SNX29: variants seen among roughly 807,000 people sequenced by gnomAD.
SNX29 encodes the protein sorting nexin 29.
SNX29 carries 78 observed loss-of-function variants against 102.1 expected under a neutral mutation model. The observed-to-expected ratio is 0.76, with a 90% CI of 0.64 to 0.92. The LOEUF (loss-of-function observed/expected upper bound fraction) is 0.92. Ranked by LOEUF, SNX29 falls within the 40% of genes least tolerant of loss-of-function variation. The pLI, the probability that SNX29 is intolerant of heterozygous loss-of-function variation, is 0.00. For synonymous variants in SNX29, 580 were observed against 414.5 expected (o/e 1.40, Z -4.85); for missense variants, 1,280 against 1,061.7 (o/e 1.21, Z -2.86).
At chr16:12,233,012 C>G in intron 14 of SNX29, among the ~76,000 whole-genome samples, 1 of 152,200 alleles carries the variant, frequency 6.6e-6, no homozygotes, top group South Asian at 2.1e-4. Flanking sequence ...CCCTCACATG[C>G]AAGTCACCAC....
At chr16:12,068,701 C>T (rs1010606715) in intron 9 of SNX29, among the ~76,000 whole-genome samples, 1 of 152,100 alleles carries the variant, frequency 6.6e-6, no homozygotes, top group Non-Finnish European at 1.5e-5. Context: ...TGCACCAACA[C>T]GCCCAGCTAA....
chr16:12,062,878 T>C (rs9806842), intron 9 of SNX29, among the ~76,000 whole-genome samples: 51,628 of 152,056 alleles, frequency 0.34, 8,813 homozygotes, highest in African/African-American at 0.39. Context: ...GCCAGTCAGA[T>C]GCAGTACTAG....
intron 18 of SNX29, among the ~76,000 whole-genome samples, chr16:12,461,392 G>T (rs2151753305): frequency 6.6e-6 from 1 of 152,300 alleles, no homozygotes; most frequent in East Asian, 1.9e-4. Flanking sequence ...AGGGGTAGAG[G>T]CACGTTTGGC....
rs78755553 is a variant in SNX29, at chr16:12,507,720, C to A, written c.2179-16982C>A. ...TCCTTCTTATGAGAAAACTCCAGAA[C>A]CTTTGTCTAGAGTATATAGTGCTCT... On this transcript the variant is annotated intron_variant, in intron 19 of 20. Coordinates refer to ENST00000566228, the MANE Select transcript of SNX29 (RefSeq NM_032167.5). Among the ~76,000 whole-genome samples the A allele has an allele frequency of 8.7e-4, 132 of 152,254 alleles. 1 individual carries two copies. The highest frequency in any genetic ancestry group is 3.0e-3 in the African/African-American group (126 of 41,542).
chr16:12,565,026 G>T (rs2078936963), intron 20 of SNX29, among the ~76,000 whole-genome samples: 1 of 152,100 alleles, frequency 6.6e-6, no homozygotes, highest in Non-Finnish European at 1.5e-5. Flanking sequence ...GCCAGTCCTG[G>T]GATGAGCCTG....
intron 14 of SNX29, among the ~76,000 whole-genome samples, chr16:12,267,693 G>A: frequency 6.6e-6 from 1 of 152,158 alleles, no homozygotes; most frequent in East Asian, 1.9e-4. Context: ...AGGCTGTTGG[G>A]TAACCGCATT....
chr16:12,555,564 C>CAT (rs144941606), intron 20 of SNX29, among the ~76,000 whole-genome samples: 4,985 of 151,788 alleles, frequency 0.033, 287 homozygotes, highest in African/African-American at 0.11. Context: ...TGAGCACCCT[C>CAT]ATCTCTCACC....
intron 3 of SNX29, among the ~76,000 whole-genome samples, chr16:12,021,109 A>T (rs545956509): frequency 3.0e-4 from 46 of 152,324 alleles, no homozygotes; most frequent in Middle Eastern, 3.4e-3. Flanking sequence ...GTTTTCTCAA[A>T]AAGGCTCCAG....
At chr16:12,307,535 T>G (rs976169966) in intron 15 of SNX29, among the ~76,000 whole-genome samples, 1 of 152,250 alleles carries the variant, frequency 6.6e-6, no homozygotes, top group Non-Finnish European at 1.5e-5. Flanking sequence ...CACTTTATTC[T>G]GTGTCTGGAC....
chr16:12,177,474 C>T (rs958922241), intron 13 of SNX29, among the ~76,000 whole-genome samples: 7 of 152,148 alleles, frequency 4.6e-5, no homozygotes, highest in Admixed American at 2.6e-4. Context: ...TTTGTCCCCA[C>T]GTGTGTGTGT....
At chr16:12,335,855 G>C (rs1393982694) in intron 15 of SNX29, among the ~76,000 whole-genome samples, 1 of 152,170 alleles carries the variant, frequency 6.6e-6, no homozygotes, top group East Asian at 1.9e-4. Flanking sequence ...AGGACGCCAA[G>C]GCCCAGGCAG....
At chr16:12,489,285 G>GA (rs66969309) in intron 19 of SNX29, among the ~76,000 whole-genome samples, 13,324 of 143,718 alleles carry the variant, frequency 0.093, 918 homozygotes, top group East Asian at 0.29. Flanking sequence ...TAACACGCTG[G>GA]AAAAAAAAAA....
chr16:12,210,093 C>G (rs1320454580), intron 14 of SNX29, among the ~76,000 whole-genome samples: 4 of 152,144 alleles, frequency 2.6e-5, no homozygotes, highest in African/African-American at 9.7e-5. Flanking sequence ...ACCCTCTGTC[C>G]AGCCCTCAAT....
intron 2 of SNX29, among the ~76,000 whole-genome samples, chr16:11,999,570 C>A (rs2056212405): frequency 6.6e-6 from 1 of 152,140 alleles, no homozygotes; most frequent in African/African-American, 2.4e-5. Context: ...ATTCCCAAAG[C>A]CCTCTAGAGG....
intron 15 of SNX29, among the ~76,000 whole-genome samples, chr16:12,339,436 C>T (rs1194854216): frequency 7.0e-6 from 1 of 143,248 alleles, no homozygotes; most frequent in African/African-American, 2.7e-5. Flanking sequence ...GGTGTTGAAG[C>T]AGAAACTGGG....
chr16:12,490,553 G>T (rs1160403572), intron 19 of SNX29, among the ~76,000 whole-genome samples: 1 of 152,186 alleles, frequency 6.6e-6, no homozygotes, highest in Non-Finnish European at 1.5e-5. Context: ...TGGTTTCTGT[G>T]GGATGAAATC....
At chr16:12,327,466 T>C (rs577481804) in intron 15 of SNX29, among the ~76,000 whole-genome samples, 15 of 152,076 alleles carry the variant, frequency 9.9e-5, no homozygotes, top group Non-Finnish European at 1.8e-4. Context: ...CCTTGGTTTA[T>C]AGACGGCCGT....
intron 16 of SNX29, among the ~76,000 whole-genome samples, chr16:12,378,820 C>G (rs1273641716): frequency 6.6e-6 from 1 of 152,206 alleles, no homozygotes; most frequent in Non-Finnish European, 1.5e-5. Flanking sequence ...CCCAGTCCGT[C>G]TCCCCTCATG....
At chr16:12,396,647 G>T (rs543513576) in intron 16 of SNX29, among the ~76,000 whole-genome samples, 7 of 152,290 alleles carry the variant, frequency 4.6e-5, no homozygotes, top group African/African-American at 1.7e-4. Context: ...GTCTAGAACG[G>T]GGCGTGGCCT....
Sources: allele counts gnomAD v4.1 joint callset (sites outside exome capture counted in the v4.1 genomes callset), GRCh38; gene constraint gnomAD v4.1.1; transcripts MANE v1.5; gene names NCBI Gene and HGNC (gene_info 2026-07-23, HGNC 2026-07-21).